Variants in KALRN observed in about 807,000 individuals in gnomAD.
KALRN encodes kalirin RhoGEF kinase.
Under a neutral mutation model 353.7 loss-of-function variants are expected in KALRN, and 70 were observed. The observed-to-expected ratio is 0.20, with a 90% CI of 0.16 to 0.24. The LOEUF (loss-of-function observed/expected upper bound fraction) is 0.24, where lower values mean the gene tolerates loss of function less well. Ranked by LOEUF, KALRN falls within the 10% of genes least tolerant of loss-of-function variation. KALRN has a pLI of 1.00. For synonymous variants in KALRN, 1,391 were observed against 1,434.8 expected, an observed-to-expected ratio of 0.97 and a Z score of 0.69; for missense variants, 2,791 against 3,756.7, an observed-to-expected ratio of 0.74 and a Z score of 6.72.
In KALRN at chr3:124,718,849, A is replaced by G. The variant is rs965655276; in HGVS notation, c.8416-76A>G. On this transcript the variant is annotated intron_variant, in intron 59 of 59. Transcript: ENST00000682506. ...AGAATAGCATAACTGTGTTTGAATT[A>G]ATGAGGTATTTTGAGTAGTCAAAAT... is the stretch of plus-strand genomic sequence containing the variant. The G allele has an allele frequency of 6.9e-6, 9 of 1,310,000 alleles. No individual in the cohort carries two copies. In the African/African-American group the frequency reaches 1.3e-4, roughly 19 times the overall value. The allele number at this position is 1,310,000 out of a possible 1,614,324, so 81.1% of individuals were successfully genotyped here.
intron 39 of KALRN, 59 bp downstream of exon 39, chr3:124,655,726 A>T: frequency 1.4e-5 from 17 of 1,226,198 alleles, no homozygotes; most frequent in Non-Finnish European, 1.9e-5. Context: ...GTTGGACCCT[A>T]CCTAGGCCAA....
chr3:124,544,170 G>T (rs1042628740), intron 33 of KALRN, among the ~76,000 whole-genome samples: 2 of 152,236 alleles, frequency 1.3e-5, no homozygotes, highest in Admixed American at 1.3e-4. Flanking sequence ...TGTGGGGTTT[G>T]TAAAGCCTTG....
intron 49 of KALRN, chr3:124,674,868 TC>T (rs1228090526): frequency 2.7e-6 from 1 of 372,906 alleles, no homozygotes; most frequent in Non-Finnish European, 4.7e-6. Context: ...TGTTCATTTT[TC>T]CCCCTTTCTC....
chr3:124,483,676 G>A (rs2062231575), intron 28 of KALRN, among the ~76,000 whole-genome samples: 1 of 152,186 alleles, frequency 6.6e-6, no homozygotes, highest in Admixed American at 6.5e-5. Flanking sequence ...AAGACGATGA[G>A]GATTTTGAGG....
At chr3:124,214,009 T>C (rs1163201664) in intron 1 of KALRN, among the ~76,000 whole-genome samples, 1 of 152,148 alleles carries the variant, frequency 6.6e-6, no homozygotes, top group African/African-American at 2.4e-5. Flanking sequence ...AGGATCAATA[T>C]ACAAAAGAGG....
intron 1 of KALRN, among the ~76,000 whole-genome samples, chr3:124,185,480 G>A (rs1044344133): frequency 4.6e-5 from 7 of 152,094 alleles, no homozygotes; most frequent in East Asian, 1.9e-4. Context: ...TCTTTCTCTC[G>A]GAGCTCTAAT....
chr3:124,473,282 G>T (rs1387257860), intron 25 of KALRN, among the ~76,000 whole-genome samples: 5 of 152,160 alleles, frequency 3.3e-5, no homozygotes, highest in African/African-American at 9.7e-5. Flanking sequence ...TATGGTACAG[G>T]TAAGTAGTAG....
At chr3:124,328,917 C>T (rs1380459028) in intron 7 of KALRN, among the ~76,000 whole-genome samples, 1 of 152,172 alleles carries the variant, frequency 6.6e-6, no homozygotes, top group African/African-American at 2.4e-5. Flanking sequence ...AAACATGACT[C>T]AAAGTTATTT....
At chr3:124,668,076 AC>A (rs1559810811) in intron 47 of KALRN, among the ~76,000 whole-genome samples, 303 of 147,270 alleles carry the variant, frequency 2.1e-3, no homozygotes, top group African/African-American at 7.0e-3. Context: ...ACACACACAC[AC>A]ACACACACAC....
chr3:124,198,465 C>A (rs1191246606), intron 1 of KALRN, among the ~76,000 whole-genome samples: 1 of 152,196 alleles, frequency 6.6e-6, no homozygotes, highest in Non-Finnish European at 1.5e-5. Flanking sequence ...TCATTAAAGG[C>A]TTCTGAGGTG....
At chr3:124,507,922 C>T (rs529913975) in intron 33 of KALRN, among the ~76,000 whole-genome samples, 1 of 152,240 alleles carries the variant, frequency 6.6e-6, no homozygotes, top group Non-Finnish European at 1.5e-5. Flanking sequence ...TTTAGCTTGG[C>T]CTTGAAGTTC....
chr3:124,661,894 A>G lies in KALRN; in HGVS notation c.6311A>G (p.Asp2104Gly), dbSNP rs1258798240. The G allele has an allele frequency of 6.2e-7, 1 of 1,614,128 alleles. No homozygotes were observed. Among genetic ancestry groups the G allele is most frequent in the Non-Finnish European group, 8.5e-7 (1 of 1,179,994 alleles). Residue 2104 changes from aspartate to glycine, a missense_variant, in exon 45 of 60, where the codon GAC becomes GGC. Around this residue, in one of 11 missense-constraint regions of KALRN, gnomAD observed 1,065 missense variants for 1,156.4 expected, o/e 0.92. Transcript: ENST00000682506. The part of the protein sequence containing the change: ...LMCLVPKRCN[D>G]MMNLGRLQGF... Reference sequence around the variant, plus strand: ...TGCCTTGTTCCCAAACGCTGCAATGACATGATGAATCTAGGACGTCTGCAG... The same window carrying G: ...TGCCTTGTTCCCAAACGCTGCAATGGCATGATGAATCTAGGACGTCTGCAG...
chr3:124,400,742 A>T (rs6765472), intron 13 of KALRN, among the ~76,000 whole-genome samples: 2,316 of 152,284 alleles, frequency 0.015, 36 homozygotes, highest in African/African-American at 0.043. Flanking sequence ...AAGTTGATTA[A>T]AGTAGCCCAA....
intron 5 of KALRN, among the ~76,000 whole-genome samples, chr3:124,290,939 T>C (rs1389847530): frequency 1.3e-5 from 2 of 152,238 alleles, no homozygotes; most frequent in Admixed American, 1.3e-4. Flanking sequence ...GTTTATACTG[T>C]TGTAGGTATA....
At chr3:124,347,904 G>T (rs1397906524) in intron 10 of KALRN, among the ~76,000 whole-genome samples, 1 of 152,170 alleles carries the variant, frequency 6.6e-6, no homozygotes, top group Non-Finnish European at 1.5e-5. Flanking sequence ...TCCAAAAAGG[G>T]CACTGTTTTT....
At chr3:124,364,560 G>C (rs2084424600) in intron 10 of KALRN, among the ~76,000 whole-genome samples, 1 of 152,232 alleles carries the variant, frequency 6.6e-6, no homozygotes, top group South Asian at 2.1e-4. Context: ...AGAGGTCCCA[G>C]ATGGCCCTGG....
At chr3:124,711,937 A>G (rs1416895927) in intron 57 of KALRN, among the ~76,000 whole-genome samples, 2 of 152,232 alleles carry the variant, frequency 1.3e-5, no homozygotes, top group African/African-American at 4.8e-5. Flanking sequence ...TAAGAAGATA[A>G]CAAACATAAA....
intron 34 of KALRN, among the ~76,000 whole-genome samples, chr3:124,594,064 A>C (rs2076051207): frequency 6.6e-6 from 1 of 152,200 alleles, no homozygotes; most frequent in South Asian, 2.1e-4. Flanking sequence ...AAAAAGACCA[A>C]AATAGCATAA....
At chr3:124,188,850 C>T (rs1579151191) in intron 1 of KALRN, among the ~76,000 whole-genome samples, 1 of 152,190 alleles carries the variant, frequency 6.6e-6, no homozygotes, top group African/African-American at 2.4e-5. Flanking sequence ...TGTATTCGTA[C>T]TTCTTACCCC....
Sources: allele counts gnomAD v4.1 joint callset (sites outside exome capture counted in the v4.1 genomes callset), GRCh38; gene constraint gnomAD v4.1.1; regional missense constraint gnomAD v4.1.1; transcripts MANE v1.5; gene names NCBI Gene and HGNC (gene_info 2026-07-23, HGNC 2026-07-21).